Variants in MARK3 observed in about 807,000 individuals in gnomAD.
The protein encoded by MARK3 is MAP/microtubule affinity-regulating kinase 3.
Under a neutral mutation model 90.1 loss-of-function variants are expected in MARK3, and 46 were observed. That is an observed-to-expected ratio of 0.51 (90% CI 0.40 to 0.65). The LOEUF (loss-of-function observed/expected upper bound fraction) is 0.65. MARK3 is among the 30% of genes least tolerant of loss of function. The probability of loss-of-function intolerance (pLI) is 0.00; values close to 1 mark genes in which losing one functional copy is unlikely to be tolerated. For synonymous variants in MARK3, 321 were observed against 332.6 expected (o/e 0.97, Z 0.38); for missense variants, 818 against 947.2 (o/e 0.86, Z 1.79).
chr14:103,446,069 C>A (rs2092987196), intron 3 of MARK3, among the ~76,000 whole-genome samples: 1 of 152,110 alleles, frequency 6.6e-6, no homozygotes, highest in South Asian at 2.1e-4. Context: ...ACAAGGATAA[C>A]AAACAGGTGC....
chr14:103,452,410 C>CTGTCTCTA (rs2093168008), intron 5 of MARK3, among the ~76,000 whole-genome samples: 1 of 150,942 alleles, frequency 6.6e-6, no homozygotes, highest in Non-Finnish European at 1.5e-5. Context: ...ATTCTCCTTT[C>CTGTCTCTA]TGTCTCTATG....
intron 1 of MARK3, among the ~76,000 whole-genome samples, chr14:103,403,292 C>A (rs1382753949): frequency 6.7e-6 from 1 of 149,688 alleles, no homozygotes; most frequent in African/African-American, 2.5e-5. Context: ...CTGCTTTATG[C>A]GCTGCTTTTT....
chr14:103,392,947 T>G (rs537914782), intron 1 of MARK3, among the ~76,000 whole-genome samples: 4 of 152,120 alleles, frequency 2.6e-5, no homozygotes, highest in Admixed American at 2.6e-4. Flanking sequence ...GTAGCTAGGA[T>G]TACAGGCAGC....
Position 103,385,787 on chromosome 14 carries a change from C to T in MARK3, c.-243C>T, listed in dbSNP as rs2089738943. ...CCGCCGCCCGCAGGCTCGGCTCCGC[C>T]ACTGCCGCCCTCCCGGTCTCCTCGC... On this transcript the variant is annotated 5_prime_UTR_variant, in exon 1 of 18. Transcript: ENST00000429436. 3 of 406,020 alleles carry T rather than the reference C, an allele frequency of 7.4e-6. No homozygotes were observed. Among genetic ancestry groups the T allele is most frequent in the Non-Finnish European group, 1.3e-5 (3 of 230,600 alleles). 25.2% of individuals were successfully genotyped at this position (406,020 alleles called of 1,614,324 possible).
chr14:103,471,369 T>A (rs1424419671), intron 12 of MARK3, among the ~76,000 whole-genome samples: 1 of 152,190 alleles, frequency 6.6e-6, no homozygotes, highest in Non-Finnish European at 1.5e-5. Context: ...AACCTCTGTT[T>A]TATCCCTAAA....
Position 103,503,180 on chromosome 14 carries a change from G to A in MARK3, c.2215G>A (p.Ala739Thr), listed in dbSNP as rs2075767714. The A allele has an allele frequency of 1.2e-6, 2 of 1,613,432 alleles. No individual in the cohort carries two copies. Among genetic ancestry groups the A allele is most frequent in the South Asian group, 2.2e-5 (2 of 91,034 alleles). ...RFKRISGTSI[A>T]FKNIASKIAN... ...TAAGCGGATATCGGGGACATCCATA[G>A]CCTTCAAAAATATTGCTTCCAAAAT... is the stretch of plus-strand genomic sequence containing the variant. The change falls in exon 18 of 18, where the codon GCC becomes ACC. Residue 739 changes from alanine to threonine, a missense_variant. This residue lies in a region of MARK3 where 560 missense variants were observed against 613.5 expected (regional missense o/e 0.91). Coordinates refer to ENST00000429436, the MANE Select transcript of MARK3 (RefSeq NM_001128918.3).
At chr14:103,484,755 A>G (rs2093892299) in intron 14 of MARK3, among the ~76,000 whole-genome samples, 1 of 58,738 alleles carries the variant, frequency 1.7e-5, no homozygotes, top group Non-Finnish European at 3.5e-5. Flanking sequence ...ACATGGTGAA[A>G]CCCTGTCTAA....
chr14:103,402,082 T>A (rs1186577024), intron 1 of MARK3, among the ~76,000 whole-genome samples: 1 of 152,220 alleles, frequency 6.6e-6, no homozygotes, highest in Non-Finnish European at 1.5e-5. Context: ...GTATTGCATG[T>A]CTACCATGTG....
chr14:103,389,476 C>T (rs1321472372), intron 1 of MARK3, among the ~76,000 whole-genome samples: 29 of 136,712 alleles, frequency 2.1e-4, no homozygotes, highest in African/African-American at 7.4e-4. Context: ...TGCAGTGAGC[C>T]GATATCATGC....
intron 4 of MARK3, among the ~76,000 whole-genome samples, chr14:103,449,248 T>C (rs140017891): frequency 1.3e-5 from 2 of 151,190 alleles, no homozygotes; most frequent in African/African-American, 4.8e-5. Flanking sequence ...ATTGCATGAG[T>C]AGATAGAAGG....
chr14:103,417,008 A>G (rs550733830), intron 2 of MARK3, among the ~76,000 whole-genome samples: 6 of 152,272 alleles, frequency 3.9e-5, no homozygotes, highest in Non-Finnish European at 7.4e-5. Context: ...GACTAGAGAA[A>G]TGTAATAGAA....
chr14:103,391,665 T>C (rs2090253318), intron 1 of MARK3, among the ~76,000 whole-genome samples: 3 of 147,604 alleles, frequency 2.0e-5, no homozygotes. Flanking sequence ...GTGCGCAGCC[T>C]CCCGAGTAGC....
chr14:103,474,025 T>G (rs2093672730), intron 12 of MARK3, among the ~76,000 whole-genome samples: 2 of 139,802 alleles, frequency 1.4e-5, no homozygotes, highest in African/African-American at 2.7e-5. Context: ...TGAAACCCCG[T>G]CTCTACTAAA....
intron 3 of MARK3, among the ~76,000 whole-genome samples, chr14:103,437,898 C>G (rs2092754542): frequency 6.6e-6 from 1 of 152,174 alleles, no homozygotes; most frequent in South Asian, 2.1e-4. Flanking sequence ...AGTGGTACAG[C>G]TGGGTTGGGA....
intron 2 of MARK3, among the ~76,000 whole-genome samples, chr14:103,410,472 C>A (rs768330589): frequency 2.0e-5 from 3 of 152,196 alleles, no homozygotes; most frequent in Non-Finnish European, 2.9e-5. Context: ...CCAGAAGTTG[C>A]TTTTTCCCTT....
chr14:103,443,392 A>G (rs942352414), intron 3 of MARK3, among the ~76,000 whole-genome samples: 1 of 152,248 alleles, frequency 6.6e-6, no homozygotes, highest in African/African-American at 2.4e-5. Flanking sequence ...AACGAAAACT[A>G]CAGTTCAGTT....
intron 3 of MARK3, among the ~76,000 whole-genome samples, chr14:103,429,604 GT>G (rs1287024523): frequency 6.6e-6 from 1 of 152,164 alleles, no homozygotes; most frequent in African/African-American, 2.4e-5. Context: ...GTGGTTCTTT[GT>G]GATCTGCAAC....
At chr14:103,435,734 T>G (rs1436964536) in intron 3 of MARK3, among the ~76,000 whole-genome samples, 1 of 149,862 alleles carries the variant, frequency 6.7e-6, no homozygotes, top group Non-Finnish European at 1.5e-5. Context: ...ATTGAGTGAT[T>G]GATTGATGGG....
At chr14:103,459,891 A>G (rs531382506) in intron 6 of MARK3, among the ~76,000 whole-genome samples, 6 of 151,970 alleles carry the variant, frequency 3.9e-5, no homozygotes, top group Admixed American at 2.0e-4. Context: ...TATTTATGAC[A>G]AAAAGGAAGG....
Sources: allele counts gnomAD v4.1 joint callset (sites outside exome capture counted in the v4.1 genomes callset), GRCh38; gene constraint gnomAD v4.1.1; regional missense constraint gnomAD v4.1.1; transcripts MANE v1.5; gene names NCBI Gene and HGNC (gene_info 2026-07-23, HGNC 2026-07-21).